The following NBPF10 variants were observed in gnomAD, a reference collection of about 807,000 sequenced individuals.
The protein encoded by NBPF10 is NBPF family member NBPF10.
Under a neutral mutation model 77.9 loss-of-function variants are expected in NBPF10, and 63 were observed. The ratio of observed to expected loss-of-function variants is 0.81; its 90% CI spans 0.66 to 1.00. The LOEUF is 1.00. NBPF10 is among the 50% of genes least tolerant of loss of function. NBPF10 has a pLI of 0.00. For synonymous variants in NBPF10, 146 were observed against 264.5 expected (o/e 0.55, Z 4.35); for missense variants, 522 against 679.8 (o/e 0.77, Z 2.58).
rs1311095308 is a variant in NBPF10 at position 146,067,857 on chromosome 1, C to A, written c.11035+146G>T. 1.1e-4 allele frequency: 76 copies of A among 698,418 alleles called. No homozygotes were observed. The African/African-American group carries it at 1.3e-3, about 12-fold the overall frequency. 43.3% of individuals were successfully genotyped at this position (698,418 alleles called of 1,614,324 possible). On this transcript the variant is annotated intron_variant, in intron 88 of 89. Coordinates refer to ENST00000583866, the Ensembl canonical transcript of NBPF10. ...ATGTCTAGGCTTCCAGCTGAGACTACAGTTTCATTACAACCTATATGCGCC... is the reference window on the plus strand; with the variant it reads ...ATGTCTAGGCTTCCAGCTGAGACTAAAGTTTCATTACAACCTATATGCGCC...
chr1:146,142,605 A>T (rs1156987457), intron 2 of NBPF10, 45 bp downstream of exon 2: 2 of 1,057,314 alleles, frequency 1.9e-6, no homozygotes, highest in African/African-American at 1.5e-5. Flanking sequence ...TACTTCAGAG[A>T]TCTACACACC....
At chr1:146,126,287 C>A (rs1293782080) in exon 14 of NBPF10, 7 of 1,604,830 alleles carry the variant, frequency 4.4e-6, no homozygotes, top group Non-Finnish European at 6.0e-6. Context: ...ATGTAAAAGG[C>A]ACTTCTGTAG....
chr1:146,125,995 T>G (rs1658572146), intron 14 of NBPF10, among the ~76,000 whole-genome samples: 1 of 151,628 alleles, frequency 6.6e-6, no homozygotes, highest in Admixed American at 6.6e-5. Flanking sequence ...ATCCAACATC[T>G]TGAGAGTAGG....
intron 89 of NBPF10, among the ~76,000 whole-genome samples, chr1:146,066,819 G>C (rs1477291359): frequency 6.6e-6 from 1 of 151,864 alleles, no homozygotes; most frequent in African/African-American, 2.4e-5. Flanking sequence ...GAATTGGCCA[G>C]GTGACATACT....
chr1:146,066,783 C>A (rs879947944), intron 89 of NBPF10, among the ~76,000 whole-genome samples: 1 of 151,766 alleles, frequency 6.6e-6, no homozygotes, highest in African/African-American at 2.4e-5. Flanking sequence ...GAGACAGAGA[C>A]AGAGACAGAG....
In NBPF10 at chr1:146,126,421, G is replaced by A. The variant is rs1553790008; in HGVS notation, c.1854-13C>T. ...CTCCCTGCTGAGCGTGGAAAAGTAG[G>A]AAAAAGTAAAGAATAAGCCAGGGGG... On this transcript the variant is annotated splice_polypyrimidine_tract_variant and intron_variant, in intron 13 of 89. Coordinates refer to ENST00000583866, the Ensembl canonical transcript of NBPF10. 2 of 1,130,486 alleles carry A rather than the reference G, an allele frequency of 1.8e-6. No individual in the cohort carries two copies. Among genetic ancestry groups the A allele is most frequent in the South Asian group, 2.5e-5 (2 of 80,886 alleles). The allele number at this position is 1,130,486 out of a possible 1,614,324, so 70.0% of individuals were successfully genotyped here. A position where few individuals can be genotyped will look rare whatever the true frequency, so the allele number is the denominator to read the frequency against.
At chr1:146,121,949 G>A (rs1658228561) in intron 19 of NBPF10, among the ~76,000 whole-genome samples, 1 of 134,536 alleles carries the variant, frequency 7.4e-6, no homozygotes, top group African/African-American at 3.0e-5. Flanking sequence ...GGAGTCAAAG[G>A]ACACTCTGAG....
intron 5 of NBPF10, among the ~76,000 whole-genome samples, chr1:146,139,263 CTAT>C (rs1333086946): frequency 2.9e-5 from 4 of 138,844 alleles, no homozygotes; most frequent in African/African-American, 5.2e-5. Context: ...CCACGCCCAG[CTAT>C]TTTTTTTTTT....
At chr1:146,142,331 G>A (rs1239931466) in intron 2 of NBPF10, among the ~76,000 whole-genome samples, 6 of 129,242 alleles carry the variant, frequency 4.6e-5, no homozygotes, top group Non-Finnish European at 8.9e-5. Context: ...AGGGTAAGTG[G>A]GGTGGCGATA....
chr1:146,140,346 C>CT (rs1660173716), intron 4 of NBPF10, 138 bp downstream of exon 4: 1 of 861,964 alleles, frequency 1.2e-6, no homozygotes, highest in African/African-American at 1.6e-5. Context: ...CACCCTGTGT[C>CT]TAAGCTGGGT....
rs58277049 is a variant in NBPF10, at chr1:146,126,355, T to A, written c.1907A>T (p.Gln636Leu). The A allele has an allele frequency of 3.6e-3, 5,037 of 1,380,062 alleles. 186 individuals are homozygous for A. The African/African-American group carries it at 0.065, about 18-fold the overall frequency. The allele number at this position is 1,380,062 out of a possible 1,614,324, so 85.5% of individuals were successfully genotyped here. A position where few individuals can be genotyped will look rare whatever the true frequency, so the allele number is the denominator to read the frequency against. The change falls in exon 14 of 90, where the codon CAG becomes CTG. Residue 636 changes from glutamine to leucine, a missense_variant. By Grantham distance (113) the Gln-to-Leu change is moderately radical (BLOSUM62 -2). Around this residue, in one of 9 missense-constraint regions of NBPF10, gnomAD observed 178 missense variants for 77.7 expected, o/e 2.29. Transcript: ENST00000583866. ...TGAAGGAGTTGAATAACATCTATCC[T>A]GTGAGTCCTGCAAGACTTCAGGCCC...
chr1:146,126,300 C>T lies in NBPF10; in HGVS notation c.1962G>A (p.Gln654=), dbSNP rs782443316. The T allele has an allele frequency of 2.1e-5, 33 of 1,585,122 alleles. No homozygotes were observed. Among genetic ancestry groups the T allele is most frequent in the Middle Eastern group, 2.2e-4 (1 of 4,474 alleles). ...ATATGTAAAAGGCACTTCTGTAGGG[C>T]TGGCATGAGTCAGTCAGTTCAAGAC... The change falls in exon 14 of 90, where the codon CAG becomes CAA. Residue 654 remains glutamine (Q), a synonymous_variant. Coordinates refer to ENST00000583866, the Ensembl canonical transcript of NBPF10.
intron 14 of NBPF10, among the ~76,000 whole-genome samples, chr1:146,125,988 C>A (rs116110276): frequency 6.6e-6 from 1 of 151,608 alleles, no homozygotes; most frequent in Non-Finnish European, 1.5e-5. Flanking sequence ...TGCCCAGATC[C>A]AACATCTTGA....
intron 13 of NBPF10, among the ~76,000 whole-genome samples, 153 bp from the exon 14 acceptor site, chr1:146,126,561 T>A (rs3099811): frequency 2.0e-3 from 285 of 144,342 alleles, no homozygotes; most frequent in African/African-American, 4.4e-3. Flanking sequence ...ATGTTGGGAT[T>A]GACTAGGGCC....
At chr1:146,126,264 C>T in exon 14 of NBPF10, 14 of 1,608,578 alleles carry the variant, frequency 8.7e-6, no homozygotes, top group Non-Finnish European at 1.1e-5. Context: ...AGCCAACACG[C>T]TGTTGCTCCA....
At chr1:146,126,444 G>A (rs1424193300) in intron 13 of NBPF10, 36 bp from the exon 14 acceptor site, 1 of 902,984 alleles carries the variant, frequency 1.1e-6, no homozygotes, top group Non-Finnish European at 1.9e-6. Context: ...ATAAGCCAGG[G>A]GGAATCAGAA....
intron 13 of NBPF10, 111 bp from the exon 14 acceptor site, chr1:146,126,519 A>G (rs1396412749): frequency 2.8e-6 from 2 of 716,260 alleles, no homozygotes; most frequent in Non-Finnish European, 5.2e-6. Context: ...AAAAGGACAG[A>G]TCCATTAATG....
rs587766767 is a variant in NBPF10, at chr1:146,126,315, C to G, written c.1947G>C (p.Leu649=). Reference sequence around the variant, plus strand: ...TTCTGTAGGGCTGGCATGAGTCAGTCAGTTCAAGACAACCTGAAGGAGTTG... The same window carrying G: ...TTCTGTAGGGCTGGCATGAGTCAGTGAGTTCAAGACAACCTGAAGGAGTTG... Residue 649 remains leucine, a synonymous_variant, in exon 14 of 90, where the codon CTG becomes CTC. Transcript: ENST00000583866. 5 of 1,350,914 alleles carry G rather than the reference C, an allele frequency of 3.7e-6. No individual in the cohort carries two copies. The South Asian group carries it at 4.7e-5, about 13-fold the overall frequency. The allele number at this position is 1,350,914 out of a possible 1,614,324, so 83.7% of individuals were successfully genotyped here.
chr1:146,139,286 T>G (rs1425274524), intron 5 of NBPF10, among the ~76,000 whole-genome samples: 4 of 151,192 alleles, frequency 2.6e-5, no homozygotes, highest in Admixed American at 2.0e-4. Flanking sequence ...TTTTTTTGTA[T>G]TTTTAGTAAA....
Sources: allele counts gnomAD v4.1 joint callset (sites outside exome capture counted in the v4.1 genomes callset), GRCh38; gene constraint gnomAD v4.1.1; regional missense constraint gnomAD v4.1.1; transcripts MANE v1.5; gene names NCBI Gene and HGNC (gene_info 2026-07-23, HGNC 2026-07-21).